PTPRS: variants seen among roughly 807,000 people sequenced by gnomAD.
PTPRS encodes protein tyrosine phosphatase receptor type S, also known as receptor-type tyrosine-protein phosphatase S.
Under a neutral mutation model 215.3 loss-of-function variants are expected in PTPRS, and 63 were observed. The observed-to-expected ratio is 0.29, with a 90% CI of 0.24 to 0.36. PTPRS has a LOEUF of 0.36. Among genes scored for constraint, PTPRS ranks in the 10% least tolerant of loss-of-function variants. The pLI is 1.00. For synonymous variants in PTPRS, 1,404 were observed against 1,191.4 expected (o/e 1.18, Z -3.68); for missense variants, 2,258 against 2,825.8 (o/e 0.80, Z 4.56).
At chr19:5,321,722 CAGAG>C (rs1347014478) in intron 1 of PTPRS, among the ~76,000 whole-genome samples, 5 of 151,130 alleles carry the variant, frequency 3.3e-5, no homozygotes, top group African/African-American at 1.2e-4. Flanking sequence ...AACTGAGGCT[CAGAG>C]AAAGAACCAT....
At chr19:5,316,401 TTTTTC>T (rs1474598881) in intron 1 of PTPRS, among the ~76,000 whole-genome samples, 2 of 152,150 alleles carry the variant, frequency 1.3e-5, no homozygotes, top group Non-Finnish European at 2.9e-5. Flanking sequence ...CTTTCTTTCT[TTTTTC>T]TTTTGAGACG....
At chr19:5,254,992 A>G (rs2045438920) in intron 9 of PTPRS, among the ~76,000 whole-genome samples, 1 of 152,178 alleles carries the variant, frequency 6.6e-6, no homozygotes, top group African/African-American at 2.4e-5. Flanking sequence ...ACCATAATCC[A>G]TGTTTGGATA....
rs966347890 is a variant in PTPRS, at chr19:5,206,470, G to C, written c.*304C>G. The C allele has an allele frequency of 4.9e-6, 2 of 411,202 alleles. No homozygotes were observed. Among genetic ancestry groups the C allele is most frequent in the Admixed American group, 7.9e-5 (2 of 25,344 alleles). 25.5% of individuals were successfully genotyped at this position (411,202 alleles called of 1,614,324 possible). A position where few individuals can be genotyped will look rare whatever the true frequency, so the allele number is the denominator to read the frequency against. The stretch of plus-strand genomic sequence containing the variant: ...CCCCACCCTCCTCTGGTTCTGGGGA[G>C]CACTCCTATTTGCTCACCATCCCCC... On this transcript the variant is annotated 3_prime_UTR_variant, in exon 38 of 38. Transcript: ENST00000262963.
Position 5,339,461 on chromosome 19 carries a change from G to A in PTPRS, c.-95+1203C>T, listed in dbSNP as rs1322796833. 6.6e-6 allele frequency among the ~76,000 whole-genome samples: 1 copy of A among 152,080 alleles called. No homozygotes were observed. Among genetic ancestry groups the A allele is most frequent in the East Asian group, 1.9e-4 (1 of 5,146 alleles). ...GCTGAAAAAAAGATTCCCAGTTTGT[G>A]GGAAAGGTTCCCTGATTTGAGGATT... On this transcript the variant is annotated intron_variant, in intron 1 of 37. Transcript: ENST00000262963. This position sits in a 1 kb window ranked among gnomAD's most constrained non-coding sequence, Gnocchi z 4.2.
intron 1 of PTPRS, among the ~76,000 whole-genome samples, chr19:5,299,490 C>G (rs1192440161): frequency 6.6e-6 from 1 of 152,224 alleles, no homozygotes; most frequent in Non-Finnish European, 1.5e-5. Flanking sequence ...CTGGCTCAAG[C>G]AGCACCCATC....
In PTPRS at chr19:5,245,642, C is replaced by T. The variant is rs558116367; in HGVS notation, c.988+134G>A. 34 of 1,323,166 alleles carry T rather than the reference C, an allele frequency of 2.6e-5. No individual in the cohort carries two copies. In the Admixed American group the frequency reaches 9.3e-4, roughly 36 times the overall value. 82.0% of individuals were successfully genotyped at this position (1,323,166 alleles called of 1,614,324 possible). A position where few individuals can be genotyped will look rare whatever the true frequency, so the allele number is the denominator to read the frequency against. ...ATACCTGTTCAAAGAACAACCGTCC[C>T]CTTCCTAGCCATGAATGACTGAAGC... is the stretch of plus-strand genomic sequence containing the variant. On this transcript the variant is annotated intron_variant, in intron 10 of 37. Coordinates refer to ENST00000262963, the MANE Select transcript of PTPRS (RefSeq NM_002850.4).
In PTPRS at chr19:5,329,312, G is replaced by A. The variant is rs191251975; in HGVS notation, c.-95+11352C>T. On this transcript the variant is annotated intron_variant, in intron 1 of 37. Coordinates refer to ENST00000262963, the MANE Select transcript of PTPRS (RefSeq NM_002850.4). ...TCCAGAGAGGGAAAGTGACTTCCCCGAAGTCACACAGCTCGTAAGGGGCAA... is the reference window on the plus strand; with the variant it reads ...TCCAGAGAGGGAAAGTGACTTCCCCAAAGTCACACAGCTCGTAAGGGGCAA... 6.5e-4 allele frequency among the ~76,000 whole-genome samples: 99 copies of A among 152,080 alleles called. 1 individual carries two copies. Among genetic ancestry groups the A allele is most frequent in the African/African-American group, 2.1e-3 (89 of 41,508 alleles).
intron 15 of PTPRS, 39 bp downstream of exon 15, chr19:5,229,452 C>G: frequency 7.2e-7 from 1 of 1,381,866 alleles, no homozygotes; most frequent in East Asian, 3.1e-5. Flanking sequence ...CGTCCCCGCC[C>G]GGAGCCCGTC....
intron 1 of PTPRS, among the ~76,000 whole-genome samples, chr19:5,297,134 C>T (rs1052574920): frequency 1.3e-5 from 2 of 152,092 alleles, no homozygotes; most frequent in African/African-American, 2.4e-5. Context: ...CCCCTGGACC[C>T]CTCCAAAAAC....
rs1392750815 is a variant in PTPRS at position 5,223,143 on chromosome 19, G to C, written c.2649C>G (p.Phe883Leu). ...CCGTGTAGCGGTCCTCGGAGGGCGGGAACTCCAGGGTGGCCAGGGGCGTCG... is the reference window on the plus strand; with the variant it reads ...CCGTGTAGCGGTCCTCGGAGGGCGGCAACTCCAGGGTGGCCAGGGGCGTCG... ...EDSTPLATLEFPPSEDRYTAS... is the reference protein window; with the variant it reads ...EDSTPLATLELPPSEDRYTAS... Residue 883 changes from phenylalanine (F) to leucine (L), a missense_variant, in exon 18 of 38, where the codon TTC (phenylalanine) becomes TTG (leucine). By Grantham distance (22) the Phe-to-Leu change is conservative. Transcript: ENST00000262963. 2 of 1,571,710 alleles carry C rather than the reference G, an allele frequency of 1.3e-6. No homozygotes were observed. Among genetic ancestry groups the C allele is most frequent in the Admixed American group, 1.8e-5 (1 of 55,034 alleles).
At chr19:5,288,705 G>A (rs1323317557) in intron 1 of PTPRS, among the ~76,000 whole-genome samples, 2 of 152,306 alleles carry the variant, frequency 1.3e-5, no homozygotes. Context: ...CAAACCTGAA[G>A]CTCAGAGGGC....
At chr19:5,291,382 C>A (rs1375316790) in intron 1 of PTPRS, among the ~76,000 whole-genome samples, 2 of 152,226 alleles carry the variant, frequency 1.3e-5, no homozygotes, top group Non-Finnish European at 1.5e-5. Context: ...CAGAGCCCGG[C>A]TCTCAGTCGA....
At chr19:5,308,668 G>A (rs1033577211) in intron 1 of PTPRS, among the ~76,000 whole-genome samples, 4 of 152,196 alleles carry the variant, frequency 2.6e-5, no homozygotes, top group African/African-American at 9.6e-5. Context: ...GAAGAGAGCA[G>A]GGTGGGCAGG....
At position 5,257,925 on chromosome 19, in the gene PTPRS, G is replaced by T; in HGVS notation, c.706+92C>A. Reference sequence around the variant, plus strand: ...GGGCCTTCCTGCTTGGGTGTGCAGGGGACGGGGGAGCCCGGAGGCGGTGAG... The same window carrying T: ...GGGCCTTCCTGCTTGGGTGTGCAGGTGACGGGGGAGCCCGGAGGCGGTGAG... On this transcript the variant is annotated intron_variant, in intron 8 of 37. Transcript: ENST00000262963. This position sits in a 1 kb window ranked among gnomAD's most constrained non-coding sequence, Gnocchi z 4.4. The T allele has an allele frequency of 8.9e-7, 1 of 1,124,890 alleles. No homozygotes were observed. The allele number at this position is 1,124,890 out of a possible 1,614,324, so 69.7% of individuals were successfully genotyped here.
intron 2 of PTPRS, among the ~76,000 whole-genome samples, chr19:5,280,822 C>G (rs1251382217): frequency 1.3e-5 from 2 of 151,490 alleles, no homozygotes; most frequent in African/African-American, 2.4e-5. Flanking sequence ...GATGGAGTCT[C>G]GCTCTGTTGC....
At chr19:5,277,235 T>G (rs111798374) in intron 2 of PTPRS, among the ~76,000 whole-genome samples, 323 of 151,838 alleles carry the variant, frequency 2.1e-3, no homozygotes, top group African/African-American at 7.7e-3. Flanking sequence ...AATTTTTTTA[T>G]TTTTTTTCCC....
At chr19:5,231,235 T>A in intron 14 of PTPRS, 75 bp downstream of exon 14, 2 of 1,454,988 alleles carry the variant, frequency 1.4e-6, no homozygotes, top group Non-Finnish European at 1.8e-6. Flanking sequence ...CAGCCCAGGT[T>A]TCCAGATGGA....
chr19:5,245,784 G>A lies in PTPRS; in HGVS notation c.980C>T (p.Thr327Met), dbSNP rs368461283. 1.6e-5 allele frequency: 25 copies of A among 1,597,910 alleles called. No individual in the cohort carries two copies. Among genetic ancestry groups the A allele is most frequent in the Admixed American group, 1.0e-4 (6 of 58,992 alleles). Residue 327 changes from threonine (T) to methionine (M), a missense_variant, in exon 10 of 38, where the codon ACG becomes ATG. Transcript: ENST00000262963. The part of the protein sequence containing the change: ...LGVIEAVAQI[T>M]VKSLPKAPGT... The stretch of plus-strand genomic sequence containing the variant: ...CCATGGGCCCTGCTCACATTTCACC[G>A]TGATCTGAGCAACCGCCTCAATGAC...
intron 16 of PTPRS, among the ~76,000 whole-genome samples, chr19:5,227,886 C>T (rs1030967803): frequency 6.6e-6 from 1 of 152,134 alleles, no homozygotes; most frequent in African/African-American, 2.4e-5. Flanking sequence ...TGCACAACAC[C>T]TGTGCACACG....
Sources: gnomAD v4.1 joint callset for allele counts (sites outside exome capture counted in the v4.1 genomes callset) on GRCh38, gnomAD v4.1.1 for gene constraint, Gnocchi (gnomAD v3.1) non-coding constraint, MANE v1.5 for transcripts, NCBI Gene and HGNC (gene_info 2026-07-23, HGNC 2026-07-21) for gene names.